The following CDKAL1 variants were observed in gnomAD, a reference collection of about 807,000 sequenced individuals.
The protein encoded by CDKAL1 is threonylcarbamoyladenosine tRNA methylthiotransferase.
Under a neutral mutation model 68.2 loss-of-function variants are expected in CDKAL1, and 32 were observed. The ratio of observed to expected loss-of-function variants is 0.47; its 90% CI spans 0.35 to 0.63. The LOEUF (loss-of-function observed/expected upper bound fraction) is 0.63, where lower values mean the gene tolerates loss of function less well. Among genes scored for constraint, CDKAL1 ranks in the 30% least tolerant of loss-of-function variants. The pLI is 0.00. For missense variants in CDKAL1, 606 were observed against 696.7 expected (o/e 0.87, Z 1.47); for synonymous variants, 234 against 244.3 (o/e 0.96, Z 0.39).
chr6:20,978,297 A>G (rs1765945990), intron 10 of CDKAL1, among the ~76,000 whole-genome samples: 1 of 152,190 alleles, frequency 6.6e-6, no homozygotes, highest in Non-Finnish European at 1.5e-5. Flanking sequence ...TCAGAGCTTC[A>G]CATGTGGCGG....
In CDKAL1 at chr6:20,995,572, CT is replaced by C. The variant is rs1561946052; in HGVS notation, c.910-4648del. 2.6e-5 allele frequency among the ~76,000 whole-genome samples: 4 copies of C among 152,256 alleles called. No homozygotes were observed. The South Asian group carries it at 8.3e-4, about 32-fold the overall frequency. On this transcript the variant is annotated intron_variant, in intron 10 of 15. Coordinates refer to ENST00000274695, the MANE Select transcript of CDKAL1 (RefSeq NM_017774.3). ...TGAGCAGTAATATTTTGAAAGGAAT[CT>C]TTTTTTCCTGAGCAGTAGGTCTCGA...
intron 12 of CDKAL1, among the ~76,000 whole-genome samples, chr6:21,086,666 A>T (rs979653078): frequency 3.3e-5 from 5 of 152,060 alleles, no homozygotes; most frequent in African/African-American, 1.2e-4. Context: ...CAGTTCCCAG[A>T]GACCTTTTCT....
chr6:21,159,996 G>A (rs1776834928), intron 13 of CDKAL1, among the ~76,000 whole-genome samples: 1 of 152,186 alleles, frequency 6.6e-6, no homozygotes. Flanking sequence ...TCCAGAACAA[G>A]CAATGTGCAA....
At chr6:21,137,891 A>G (rs1339780626) in intron 13 of CDKAL1, among the ~76,000 whole-genome samples, 1 of 152,228 alleles carries the variant, frequency 6.6e-6, no homozygotes, top group Non-Finnish European at 1.5e-5. Context: ...ACAAACATCC[A>G]TTGTTTATAA....
chr6:20,673,277 C>T (rs1475569284), intron 5 of CDKAL1, among the ~76,000 whole-genome samples: 1 of 152,040 alleles, frequency 6.6e-6, no homozygotes, highest in Non-Finnish European at 1.5e-5. Context: ...TCCAGGATTC[C>T]CCAAAGATAC....
chr6:21,168,088 C>T (rs1777224856), intron 13 of CDKAL1, among the ~76,000 whole-genome samples: 1 of 152,166 alleles, frequency 6.6e-6, no homozygotes, highest in Non-Finnish European at 1.5e-5. Flanking sequence ...CTGCAGTTGA[C>T]CATAGGAAGC....
chr6:20,850,611 T>C (rs1758954414), intron 9 of CDKAL1, among the ~76,000 whole-genome samples: 1 of 152,156 alleles, frequency 6.6e-6, no homozygotes, highest in African/African-American at 2.4e-5. Flanking sequence ...CTAATTTTTC[T>C]ATTTTTGATA....
chr6:21,024,581 CAT>C (rs1768857179), intron 11 of CDKAL1, among the ~76,000 whole-genome samples: 1 of 152,150 alleles, frequency 6.6e-6, no homozygotes, highest in Non-Finnish European at 1.5e-5. Context: ...ATCAAAAATA[CAT>C]GTCCTCCAGC....
chr6:20,723,032 G>A (rs1772460334), intron 5 of CDKAL1, among the ~76,000 whole-genome samples: 1 of 152,130 alleles, frequency 6.6e-6, no homozygotes, highest in Non-Finnish European at 1.5e-5. Flanking sequence ...CTTGGATGCT[G>A]GACAAGAGCT....
intron 12 of CDKAL1, among the ~76,000 whole-genome samples, chr6:21,090,481 A>G (rs1019521736): frequency 1.3e-5 from 2 of 152,254 alleles, no homozygotes; most frequent in African/African-American, 4.8e-5. Context: ...TGTGCTTAGA[A>G]AAACAAAACC....
At chr6:20,678,371 CTT>C (rs889960097) in intron 5 of CDKAL1, among the ~76,000 whole-genome samples, 13 of 152,100 alleles carry the variant, frequency 8.5e-5, no homozygotes, top group Non-Finnish European at 1.3e-4. Flanking sequence ...TCCTTTGTCT[CTT>C]TTTAATTTTA....
intron 4 of CDKAL1, chr6:20,599,328 T>C (rs753759522): frequency 8.8e-6 from 4 of 452,488 alleles, no homozygotes; most frequent in South Asian, 6.3e-5. Context: ...ATTATTGTTA[T>C]ACTTGGAAAT....
chr6:20,579,480 A>G (rs989619306), intron 4 of CDKAL1, among the ~76,000 whole-genome samples: 1 of 152,186 alleles, frequency 6.6e-6, no homozygotes, highest in Non-Finnish European at 1.5e-5. Context: ...TTACCAGCAC[A>G]TATGTAATAC....
chr6:21,099,183 G>T (rs1321180162), intron 12 of CDKAL1, among the ~76,000 whole-genome samples: 6 of 152,136 alleles, frequency 3.9e-5, no homozygotes, highest in African/African-American at 1.4e-4. Flanking sequence ...TTGCAGCCAG[G>T]ATTGCAAACC....
chr6:21,077,447 A>G (rs1772133171), intron 12 of CDKAL1, among the ~76,000 whole-genome samples: 1 of 152,330 alleles, frequency 6.6e-6, no homozygotes, highest in African/African-American at 2.4e-5. Flanking sequence ...TTGCACTGCT[A>G]TAAAGAACTA....
intron 12 of CDKAL1, among the ~76,000 whole-genome samples, chr6:21,066,094 A>T (rs1347271912): frequency 6.6e-6 from 1 of 152,074 alleles, no homozygotes; most frequent in Non-Finnish European, 1.5e-5. Context: ...AATAATCCAG[A>T]GCTTGTTACT....
At chr6:20,654,442 T>A (rs978208145) in intron 5 of CDKAL1, among the ~76,000 whole-genome samples, 6 of 152,176 alleles carry the variant, frequency 3.9e-5, no homozygotes, top group African/African-American at 1.4e-4. Context: ...TATCTTTTGA[T>A]GAAGATAAAT....
intron 9 of CDKAL1, among the ~76,000 whole-genome samples, chr6:20,907,508 A>T (rs895514054): frequency 2.6e-5 from 4 of 152,222 alleles, no homozygotes; most frequent in Admixed American, 2.0e-4. Flanking sequence ...TGAAGAAAAA[A>T]ATAGTAATAA....
chr6:21,063,064 GC>G (rs1177746085), intron 11 of CDKAL1, among the ~76,000 whole-genome samples: 1 of 152,028 alleles, frequency 6.6e-6, no homozygotes, highest in African/African-American at 2.4e-5. Flanking sequence ...ACAGGCACCT[GC>G]CACCACACCC....
Sources: allele counts gnomAD v4.1 joint callset (sites outside exome capture counted in the v4.1 genomes callset), GRCh38; gene constraint gnomAD v4.1.1; transcripts MANE v1.5; gene names NCBI Gene and HGNC (gene_info 2026-07-23, HGNC 2026-07-21).